The following HMG20A variants were observed in gnomAD, a reference collection of about 807,000 sequenced individuals.
HMG20A encodes the protein high mobility group 20A.
Under a neutral mutation model 43.9 loss-of-function variants are expected in HMG20A, and 17 were observed. The observed-to-expected ratio is 0.39, with a 90% confidence interval of 0.27 to 0.58. The LOEUF (loss-of-function observed/expected upper bound fraction) is 0.58. HMG20A is among the 20% of genes least tolerant of loss of function. The pLI is 0.59. For synonymous variants in HMG20A, 132 were observed against 147.5 expected (o/e 0.89, Z 0.76); for missense variants, 341 against 438.2 (o/e 0.78, Z 1.98).
intron 1 of HMG20A, among the ~76,000 whole-genome samples, chr15:77,457,111 A>G (rs1189518306): frequency 6.6e-6 from 1 of 152,226 alleles, no homozygotes; most frequent in Non-Finnish European, 1.5e-5. Flanking sequence ...CTGCTAAATA[A>G]TAAACTTAGA....
At chr15:77,497,674 A>ATT in the HMG20A span, among the ~76,000 whole-genome samples, 1 of 128,490 alleles carries the variant, frequency 7.8e-6, no homozygotes, top group East Asian at 2.2e-4. Flanking sequence ...AGAGAGAGAG[A>ATT]GAGAGAGAGT....
intron 1 of HMG20A, among the ~76,000 whole-genome samples, chr15:77,441,446 A>G (rs999280732): frequency 2.0e-5 from 3 of 152,174 alleles, no homozygotes; most frequent in Non-Finnish European, 4.4e-5. Flanking sequence ...ATAATTAAAT[A>G]TACTGTTTCT....
rs755786241 is a variant in HMG20A at position 77,479,208 on chromosome 15, A to G, written c.937A>G (p.Ile313Val). The G allele has an allele frequency of 9.3e-6, 15 of 1,613,738 alleles. No homozygotes were observed. Among genetic ancestry groups the G allele is most frequent in the Non-Finnish European group, 1.3e-5 (15 of 1,179,706 alleles). Residue 313 changes from isoleucine to valine, a missense_variant, in exon 9 of 10, where the codon ATT (isoleucine) becomes GTT (valine). Physicochemically the swap from Ile to Val is conservative, Grantham distance 29. Around this residue, in one of 3 missense-constraint regions of HMG20A, gnomAD observed 118 missense variants for 154.5 expected, o/e 0.76. Transcript: ENST00000336216. ...GSGETPTVDT[I>V]DSYMNRLHSI... Reference sequence around the variant, plus strand: ...TGGAGAGACACCTACAGTGGACACCATTGACTCATATATGAACAGACTGCA... The same window carrying G: ...TGGAGAGACACCTACAGTGGACACCGTTGACTCATATATGAACAGACTGCA...
chr15:77,480,338 G>T (rs1419250817), intron 9 of HMG20A, among the ~76,000 whole-genome samples: 2 of 151,914 alleles, frequency 1.3e-5, no homozygotes, highest in Non-Finnish European at 2.9e-5. Flanking sequence ...TCTTGGTGGG[G>T]CACAGTGGCT....
At chr15:77,445,294 G>T (rs939383699) in intron 1 of HMG20A, among the ~76,000 whole-genome samples, 7 of 152,180 alleles carry the variant, frequency 4.6e-5, no homozygotes, top group Non-Finnish European at 1.0e-4. Context: ...TAAGAAAATA[G>T]AGGAACAGTG....
intron 2 of HMG20A, 75 bp from the exon 3 acceptor site, chr15:77,464,165 G>A (rs779019018): frequency 3.3e-6 from 5 of 1,519,444 alleles, no homozygotes; most frequent in Non-Finnish European, 4.5e-6. Flanking sequence ...TGCTTTTGCT[G>A]GCAGGGAAAT....
intron 1 of HMG20A, among the ~76,000 whole-genome samples, chr15:77,435,462 G>A (rs894557634): frequency 1.3e-5 from 2 of 151,896 alleles, no homozygotes; most frequent in Non-Finnish European, 2.9e-5. Flanking sequence ...TTCTTTTATT[G>A]TATTTTTTTT....
At chr15:77,471,159 C>A (rs1274392813) in intron 5 of HMG20A, 117 bp downstream of exon 5, 3 of 988,816 alleles carry the variant, frequency 3.0e-6, no homozygotes, top group Admixed American at 2.9e-5. Flanking sequence ...CTCCACTATC[C>A]AGTATTCACT....
chr15:77,427,230 G>T (rs2073436143), intron 1 of HMG20A, among the ~76,000 whole-genome samples: 1 of 152,090 alleles, frequency 6.6e-6, no homozygotes, highest in Non-Finnish European at 1.5e-5. Flanking sequence ...TAATGAGAAG[G>T]AACCAAGGGC....
rs980525347 is a variant in HMG20A, at chr15:77,420,913, G to A, written c.-96G>A. 1.3e-5 allele frequency: 5 copies of A among 398,676 alleles called. No individual in the cohort carries two copies. Among genetic ancestry groups the A allele is most frequent in the East Asian group, 3.6e-5 (1 of 28,106 alleles). 24.7% of individuals were successfully genotyped at this position (398,676 alleles called of 1,614,324 possible). Reference sequence around the variant, plus strand: ...AGCTGTGAGACGACGAGTGCGTGAAGTGAAGGCGATTGAGAGGGGCTGAGG... The same window carrying A: ...AGCTGTGAGACGACGAGTGCGTGAAATGAAGGCGATTGAGAGGGGCTGAGG... On this transcript the variant is annotated 5_prime_UTR_variant, in exon 1 of 10. In the 5' UTR this introduces an upstream ATG that the reference lacks. Coordinates refer to ENST00000336216, the MANE Select transcript of HMG20A (RefSeq NM_001304504.2).
intron 1 of HMG20A, among the ~76,000 whole-genome samples, chr15:77,448,187 T>C (rs1237502096): frequency 1.3e-5 from 2 of 152,220 alleles, no homozygotes; most frequent in Non-Finnish European, 2.9e-5. Flanking sequence ...ACTTTCCCTT[T>C]TCCCTCTCCA....
chr15:77,469,273 T>C (rs2072785433), intron 4 of HMG20A, among the ~76,000 whole-genome samples: 2 of 111,798 alleles, frequency 1.8e-5, no homozygotes, highest in South Asian at 2.7e-4. Flanking sequence ...CATCAACATT[T>C]TCCCCTAGAT....
intron 2 of HMG20A, 57 bp downstream of exon 2, chr15:77,458,553 A>G: frequency 1.7e-6 from 2 of 1,191,232 alleles, no homozygotes; most frequent in Non-Finnish European, 2.5e-6. Flanking sequence ...CAAAGCTTCT[A>G]GCAAAGTAAG....
the HMG20A span, among the ~76,000 whole-genome samples, chr15:77,500,665 T>A: frequency 1.3e-5 from 2 of 151,166 alleles, no homozygotes; most frequent in African/African-American, 4.9e-5. Flanking sequence ...GCCTCCCGAG[T>A]TCAAGCGGTT....
At chr15:77,477,274 G>A (rs569488051) in intron 6 of HMG20A, among the ~76,000 whole-genome samples, 34 of 152,218 alleles carry the variant, frequency 2.2e-4, no homozygotes, top group Admixed American at 6.5e-4. Flanking sequence ...GCTAAGAAAT[G>A]GCTTCAAATT....
intron 3 of HMG20A, among the ~76,000 whole-genome samples, chr15:77,465,154 C>T (rs532623420): frequency 4.7e-4 from 69 of 146,520 alleles, no homozygotes; most frequent in African/African-American, 1.7e-3. Context: ...TCCAGCTGCT[C>T]AGGAGGCTGA....
intron 2 of HMG20A, among the ~76,000 whole-genome samples, chr15:77,462,899 A>T (rs1386007900): frequency 1.3e-5 from 2 of 150,334 alleles, no homozygotes; most frequent in Admixed American, 6.7e-5. Flanking sequence ...CAGCCTTCTG[A>T]GTAGCTAGGA....
At chr15:77,518,860 C>A in the HMG20A span, among the ~76,000 whole-genome samples, 3 of 152,318 alleles carry the variant, frequency 2.0e-5, no homozygotes, top group African/African-American at 7.2e-5. Flanking sequence ...ACTTTCTTTG[C>A]CACATAGGCA....
intron 1 of HMG20A, among the ~76,000 whole-genome samples, chr15:77,454,558 G>T (rs1401570678): frequency 6.6e-6 from 1 of 152,128 alleles, no homozygotes; most frequent in Non-Finnish European, 1.5e-5. Flanking sequence ...TGATTACTAA[G>T]AGCATAGAGG....
Sources: gnomAD v4.1 joint callset for allele counts (sites outside exome capture counted in the v4.1 genomes callset) on GRCh38, gnomAD v4.1.1 for gene constraint, gnomAD v4.1.1 regional missense constraint, MANE v1.5 for transcripts, NCBI Gene and HGNC (gene_info 2026-07-23, HGNC 2026-07-21) for gene names.